The following SUN1 variants were observed in gnomAD, a reference collection of about 807,000 sequenced individuals.
The protein encoded by SUN1 is Sad1 and UNC84 domain containing 1.
SUN1 carries 61 observed loss-of-function variants against 103.2 expected under a neutral mutation model. The ratio of observed to expected loss-of-function variants is 0.59; its 90% CI spans 0.48 to 0.73. The LOEUF is 0.73. Among genes scored for constraint, SUN1 ranks in the 30% least tolerant of loss-of-function variants. SUN1 has a pLI of 0.00. For missense variants in SUN1, 1,052 were observed against 1,034.6 expected (o/e 1.02, Z -0.23); for synonymous variants, 490 against 425.7 (o/e 1.15, Z -1.86).
chr7:819,043 A>C (rs374702943), intron 1 of SUN1, among the ~76,000 whole-genome samples: 1 of 151,918 alleles, frequency 6.6e-6, no homozygotes, highest in African/African-American at 2.4e-5. Context: ...TTGTATTTTT[A>C]GTAGAGATGG....
intron 17 of SUN1, among the ~76,000 whole-genome samples, chr7:869,872 C>T (rs1260446259): frequency 2.6e-5 from 4 of 152,088 alleles, no homozygotes; most frequent in African/African-American, 9.7e-5. Flanking sequence ...CAGAGAAACC[C>T]ACCATTCATA....
At chr7:852,417 C>T (rs1301157657) in intron 7 of SUN1, 192 bp from the exon 8 acceptor site, 5 of 661,218 alleles carry the variant, frequency 7.6e-6, no homozygotes, top group Non-Finnish European at 1.3e-5. Flanking sequence ...GAGTTGGTAA[C>T]GTAGGTCTCA....
At chr7:815,844 C>T, upstream of SUN1, 1 of 206,506 alleles carries the variant, frequency 4.8e-6, no homozygotes, top group Non-Finnish European at 1.0e-5. Flanking sequence ...CGAGCGCCTG[C>T]GCACGCCCGG....
At chr7:857,768 T>C (rs1211837447) in intron 12 of SUN1, 60 bp from the exon 13 acceptor site, 2 of 1,471,456 alleles carry the variant, frequency 1.4e-6, no homozygotes, top group Non-Finnish European at 1.8e-6. Flanking sequence ...CTGTGTGTAG[T>C]GTGGGAAGCG....
chr7:872,088 C>T (rs1842121759), intron 17 of SUN1, among the ~76,000 whole-genome samples: 2 of 152,204 alleles, frequency 1.3e-5, no homozygotes, highest in African/African-American at 4.8e-5. Context: ...GCTGGTGAGG[C>T]CTCATCTCCC....
intron 1 of SUN1, among the ~76,000 whole-genome samples, chr7:838,157 A>G (rs966279223): frequency 1.3e-5 from 2 of 152,228 alleles, no homozygotes; most frequent in African/African-American, 2.4e-5. Context: ...GGCTCACGCA[A>G]TCCTCCTGCC....
intron 1 of SUN1, among the ~76,000 whole-genome samples, chr7:826,120 C>T (rs1187267760): frequency 3.9e-5 from 6 of 152,100 alleles, no homozygotes; most frequent in Non-Finnish European, 7.4e-5. Flanking sequence ...CCCCTGTGGT[C>T]CCAGCACTGT....
At chr7:829,548 G>GTT (rs59608102), upstream of SUN1, among the ~76,000 whole-genome samples, 248 of 143,794 alleles carry the variant, frequency 1.7e-3, 1 homozygote, top group Admixed American at 3.3e-3. Context: ...AAAATAACTG[G>GTT]TTTTTTTTTT....
chr7:828,316 G>A (rs1184512503), upstream of SUN1, among the ~76,000 whole-genome samples: 2 of 151,922 alleles, frequency 1.3e-5, no homozygotes, highest in Non-Finnish European at 2.9e-5. Context: ...CTGTCACCCA[G>A]GCTGGAGTGC....
At chr7:852,198 C>T (rs1822860763) in intron 7 of SUN1, 155 bp downstream of exon 7, 1 of 698,310 alleles carries the variant, frequency 1.4e-6, no homozygotes, top group Admixed American at 2.9e-5. Context: ...TCTTATTTTT[C>T]AAACCAACCT....
At chr7:834,522 G>A (rs955887992) in intron 1 of SUN1, among the ~76,000 whole-genome samples, 3 of 152,182 alleles carry the variant, frequency 2.0e-5, no homozygotes, top group African/African-American at 7.2e-5. Context: ...CGCAGACCTT[G>A]CCACCTCAGC....
chr7:827,168 C>G (rs536206889), intron 1 of SUN1, among the ~76,000 whole-genome samples: 4 of 152,140 alleles, frequency 2.6e-5, no homozygotes, highest in African/African-American at 9.6e-5. Context: ...ACTACAGGCA[C>G]GTGCCACCAC....
rs141418707 is a variant in SUN1, at chr7:866,040, C to T, written c.1953C>T (p.Phe651=). Residue 651 remains phenylalanine (F), a synonymous_variant, in exon 16 of 19, where the codon TTC becomes TTT. Transcript: ENST00000401592. ...TGTTTGGGATCCCGCTGTGGTACTT[C>T]TCGCAGTCCCCGCGCGTGGTCATCC... ...MSLFGIPLWY[F]SQSPRVVIQP... is the part of the protein sequence containing the mutation. The T allele has an allele frequency of 1.2e-6, 2 of 1,614,134 alleles. No homozygotes were observed. The highest frequency in any genetic ancestry group is 1.7e-6 in the Non-Finnish European group (2 of 1,179,990).
At chr7:857,301 C>A (rs149711531) in intron 12 of SUN1, among the ~76,000 whole-genome samples, 175 of 152,296 alleles carry the variant, frequency 1.1e-3, no homozygotes, top group African/African-American at 3.8e-3. Flanking sequence ...TTCTCTCCTT[C>A]CAAAGCTTTT....
intron 13 of SUN1, 58 bp downstream of exon 13, chr7:858,015 A>G: frequency 6.7e-7 from 1 of 1,490,168 alleles, no homozygotes; most frequent in East Asian, 2.4e-5. Flanking sequence ...GAAAACTTGA[A>G]TTGATGACTT....
intron 1 of SUN1, among the ~76,000 whole-genome samples, chr7:821,403 C>A (rs533446431): frequency 6.6e-6 from 1 of 152,024 alleles, no homozygotes; most frequent in Non-Finnish European, 1.5e-5. Context: ...CTCTTGACCT[C>A]GTGATCCGCC....
chr7:823,058 T>G (rs931942135), intron 1 of SUN1, among the ~76,000 whole-genome samples: 1 of 152,216 alleles, frequency 6.6e-6, no homozygotes, highest in Non-Finnish European at 1.5e-5. Context: ...CGGAGCGTAG[T>G]CAGGTAAGGA....
chr7:820,464 C>T (rs1399191070), intron 1 of SUN1, among the ~76,000 whole-genome samples: 1 of 152,170 alleles, frequency 6.6e-6, no homozygotes, highest in African/African-American at 2.4e-5. Flanking sequence ...GTTCTAACAG[C>T]AGTTTTTTTG....
At position 861,359 on chromosome 7, in the gene SUN1, C is replaced by A. The variant is rs112429458; in HGVS notation, c.1780-21C>A. 2.9e-5 allele frequency: 47 copies of A among 1,613,954 alleles called. No homozygotes were observed. The African/African-American group carries it at 3.2e-4, about 11-fold the overall frequency. On this transcript the variant is annotated intron_variant, in intron 14 of 18. Transcript: ENST00000401592. ...CTCTCCTGTTCTGGTGTTTGGTCTT[C>A]CGTCCCTCGTGTCTGTCCAGCAAGC...
Sources: gnomAD v4.1 joint callset for allele counts (sites outside exome capture counted in the v4.1 genomes callset) on GRCh38, gnomAD v4.1.1 for gene constraint, MANE v1.5 for transcripts, NCBI Gene and HGNC (gene_info 2026-07-23, HGNC 2026-07-21) for gene names.